Variants in PAN3 observed in about 807,000 individuals in gnomAD.
PAN3 encodes the protein PAN2-PAN3 deadenylation complex subunit PAN3.
Under a neutral mutation model 96.2 loss-of-function variants are expected in PAN3, and 19 were observed. The ratio of observed to expected loss-of-function variants is 0.20; its 90% CI spans 0.14 to 0.29. The LOEUF (loss-of-function observed/expected upper bound fraction) is 0.29. Among genes scored for constraint, PAN3 ranks in the 10% least tolerant of loss-of-function variants. The pLI is 1.00. For missense variants in PAN3, 882 were observed against 1,108.1 expected (o/e 0.80, Z 2.90); for synonymous variants, 433 against 406.6 (o/e 1.06, Z -0.78).
intron 1 of PAN3, among the ~76,000 whole-genome samples, chr13:28,166,544 GCA>G (rs1873567026): frequency 6.6e-6 from 1 of 152,188 alleles, no homozygotes; most frequent in Admixed American, 6.5e-5. Flanking sequence ...GCTGGTGGCT[GCA>G]CAGTTCTGAG....
At chr13:28,217,597 A>C (rs1880943961) in intron 5 of PAN3, among the ~76,000 whole-genome samples, 1 of 147,776 alleles carries the variant, frequency 6.8e-6, no homozygotes. Context: ...CAAAAAAAAA[A>C]CAAAAAAAAA....
At chr13:28,169,670 C>T (rs1874049219) in intron 1 of PAN3, among the ~76,000 whole-genome samples, 1 of 152,088 alleles carries the variant, frequency 6.6e-6, no homozygotes, top group Non-Finnish European at 1.5e-5. Flanking sequence ...AACTGCACTC[C>T]AAGTATCTAT....
chr13:28,169,561 AG>A (rs1228261610), intron 1 of PAN3, among the ~76,000 whole-genome samples: 1 of 151,864 alleles, frequency 6.6e-6, no homozygotes, highest in Admixed American at 6.6e-5. Flanking sequence ...CTGGTGAAGT[AG>A]GTTGGATATG....
intron 4 of PAN3, among the ~76,000 whole-genome samples, chr13:28,194,284 T>C (rs1417336264): frequency 6.6e-6 from 1 of 151,754 alleles, no homozygotes; most frequent in African/African-American, 2.4e-5. Flanking sequence ...GGTGTCCATG[T>C]ATAAATCATT....
At chr13:28,157,671 A>G (rs903374812) in intron 1 of PAN3, among the ~76,000 whole-genome samples, 1 of 152,226 alleles carries the variant, frequency 6.6e-6, no homozygotes, top group African/African-American at 2.4e-5. Flanking sequence ...GAGCTCTACA[A>G]TGATAATTAG....
chr13:28,152,610 T>A (rs1871510568), intron 1 of PAN3, among the ~76,000 whole-genome samples: 1 of 151,520 alleles, frequency 6.6e-6, no homozygotes, highest in African/African-American at 2.4e-5. Context: ...CAAAAAAAAA[T>A]GTGTATCTTA....
At chr13:28,169,169 TAATTTA>T (rs1490952198) in intron 1 of PAN3, among the ~76,000 whole-genome samples, 2 of 151,716 alleles carry the variant, frequency 1.3e-5, no homozygotes, top group Non-Finnish European at 2.9e-5. Flanking sequence ...TACACTTAAG[TAATTTA>T]AATTTAAAAG....
intron 1 of PAN3, among the ~76,000 whole-genome samples, chr13:28,149,185 T>C (rs375610057): frequency 5.9e-5 from 9 of 152,076 alleles, no homozygotes; most frequent in Admixed American, 3.9e-4. Context: ...TGAGACTCTG[T>C]TTCTACTAAA....
intron 14 of PAN3, among the ~76,000 whole-genome samples, chr13:28,273,600 CA>C (rs34103436): frequency 0.011 from 1,532 of 138,160 alleles, 10 homozygotes; most frequent in Non-Finnish European, 0.017. Flanking sequence ...GACTCCATCT[CA>C]AAAAAAAAAA....
intron 6 of PAN3, among the ~76,000 whole-genome samples, chr13:28,255,062 C>T (rs1245676018): frequency 6.6e-6 from 1 of 152,158 alleles, no homozygotes; most frequent in African/African-American, 2.4e-5. Context: ...TTTCAGAAAA[C>T]ATGTTGGTAT....
intron 8 of PAN3, 34 bp downstream of exon 8, chr13:28,260,585 A>C (rs1885616478): frequency 1.3e-6 from 2 of 1,503,628 alleles, no homozygotes; most frequent in East Asian, 4.5e-5. Context: ...GGAATACTTA[A>C]TGTCTCCTGT....
intron 7 of PAN3, among the ~76,000 whole-genome samples, chr13:28,257,765 T>A (rs1171497109): frequency 7.2e-6 from 1 of 138,910 alleles, no homozygotes; most frequent in South Asian, 2.3e-4. Flanking sequence ...ATTAATTATA[T>A]ATTATATATA....
chr13:28,201,371 TAAA>T (rs927178605), intron 5 of PAN3, among the ~76,000 whole-genome samples: 1 of 151,784 alleles, frequency 6.6e-6, no homozygotes, highest in East Asian at 1.9e-4. Context: ...CATTTTTTAA[TAAA>T]AAAATTTTTA....
Position 28,293,812 on chromosome 13 carries a change from G to A in PAN3, c.*1290G>A, listed in dbSNP as rs1318822305. 2.0e-5 allele frequency: 3 copies of A among 152,436 alleles called. No individual in the cohort carries two copies. Among genetic ancestry groups the A allele is most frequent in the Admixed American group, 6.6e-5 (1 of 15,254 alleles). The allele number at this position is 152,436 out of a possible 1,614,324, so 9.4% of individuals were successfully genotyped here. A position where few individuals can be genotyped will look rare whatever the true frequency, so the allele number is the denominator to read the frequency against. On this transcript the variant is annotated 3_prime_UTR_variant, in exon 19 of 19. Transcript: ENST00000380958. ...GATACTGAAGACTGCCAAATACATA[G>A]GAATTTTCTTTCTTAAAAAACAGTA...
chr13:28,150,637 CAAAA>C (rs71737721), intron 1 of PAN3, among the ~76,000 whole-genome samples: 4 of 74,034 alleles, frequency 5.4e-5, no homozygotes, highest in African/African-American at 4.2e-5. Flanking sequence ...ACTCTGTCTC[CAAAA>C]AAAAAAAAAA....
rs1880535664 is a variant in PAN3, at chr13:28,214,879, A to C, written c.853-5352A>C. ...CTGATTATTGCTGCTGGTGTTGGTG[A>C]AATTGAAGCTAGTAGCTCCAAGAAT... is the stretch of plus-strand genomic sequence containing the variant. On this transcript the variant is annotated intron_variant, in intron 5 of 18. Coordinates refer to ENST00000380958, the MANE Select transcript of PAN3 (RefSeq NM_175854.8). The C allele has an allele frequency of 3.6e-6, 3 of 822,830 alleles. No homozygotes were observed. In the South Asian group the frequency reaches 4.0e-5, roughly 11 times the overall value. The allele number at this position is 822,830 out of a possible 1,614,324, so 51.0% of individuals were successfully genotyped here.
intron 1 of PAN3, among the ~76,000 whole-genome samples, chr13:28,151,359 C>A (rs544197345): frequency 6.6e-6 from 1 of 151,900 alleles, no homozygotes; most frequent in Non-Finnish European, 1.5e-5. Context: ...ACTAAAAATA[C>A]AAAAAATTAG....
At chr13:28,225,830 A>G (rs1160619267) in intron 6 of PAN3, among the ~76,000 whole-genome samples, 1 of 152,164 alleles carries the variant, frequency 6.6e-6, no homozygotes, top group Non-Finnish European at 1.5e-5. Context: ...CATATAACTG[A>G]TTTATTTGTA....
chr13:28,253,923 G>A (rs1884943032), intron 6 of PAN3, among the ~76,000 whole-genome samples: 1 of 152,148 alleles, frequency 6.6e-6, no homozygotes, highest in African/African-American at 2.4e-5. Context: ...TACTATAGGT[G>A]AATTTCTATC....
Sources: allele counts gnomAD v4.1 joint callset (sites outside exome capture counted in the v4.1 genomes callset), GRCh38; gene constraint gnomAD v4.1.1; transcripts MANE v1.5; gene names NCBI Gene and HGNC (gene_info 2026-07-23, HGNC 2026-07-21).